The following ESRRG variants were observed in gnomAD, a reference collection of about 807,000 sequenced individuals.
ESRRG encodes the protein estrogen related receptor gamma, also known as estrogen-related receptor gamma.
In ESRRG, 13 loss-of-function variants were observed where a neutral mutation model predicts 44.0. The ratio of observed to expected loss-of-function variants is 0.30; its 90% confidence interval spans 0.19 to 0.47. ESRRG has a LOEUF of 0.47. Ranked by LOEUF, ESRRG falls within the 20% of genes least tolerant of loss-of-function variation. The pLI is 1.00. For missense variants in ESRRG, 395 were observed against 580.6 expected (o/e 0.68, Z 3.29); for synonymous variants, 215 against 214.6 (o/e 1.00, Z -0.02).
intron 1 of ESRRG, among the ~76,000 whole-genome samples, chr1:217,006,100 T>C (rs2077697771): frequency 4.6e-5 from 7 of 152,166 alleles, no homozygotes; most frequent in Admixed American, 4.6e-4. Flanking sequence ...TTTGAACTTA[T>C]AGAATGAGTC....
intron 2 of ESRRG, among the ~76,000 whole-genome samples, chr1:216,675,293 T>C (rs1248944771): frequency 6.6e-6 from 1 of 151,268 alleles, no homozygotes; most frequent in Admixed American, 6.6e-5. Context: ...CCAGGAGATG[T>C]AGGTTGCAGT....
At chr1:217,020,516 A>C (rs1176304753) in intron 1 of ESRRG, among the ~76,000 whole-genome samples, 1 of 152,212 alleles carries the variant, frequency 6.6e-6, no homozygotes, top group Non-Finnish European at 1.5e-5. Flanking sequence ...TTGTCTTGAT[A>C]ACAGCCCTAC....
At chr1:217,134,630 GT>G (rs1481395696) in intron 1 of ESRRG, among the ~76,000 whole-genome samples, 1 of 152,236 alleles carries the variant, frequency 6.6e-6, no homozygotes, top group Non-Finnish European at 1.5e-5. Context: ...CCGTGCGCGA[GT>G]TTCCAGCCAG....
chr1:216,591,975 C>T (rs11572742), intron 3 of ESRRG, among the ~76,000 whole-genome samples: 1 of 152,096 alleles, frequency 6.6e-6, no homozygotes, highest in African/African-American at 2.4e-5. Context: ...TAGATACCCC[C>T]AGTCAAGTGA....
intron 2 of ESRRG, among the ~76,000 whole-genome samples, chr1:216,746,051 A>G (rs1174127224): frequency 2.0e-5 from 3 of 152,234 alleles, no homozygotes; most frequent in African/African-American, 7.2e-5. Context: ...CTCAACCTCA[A>G]AAAAGTTCAA....
At chr1:216,726,547 C>T (rs145588855), upstream of ESRRG, among the ~76,000 whole-genome samples, 30 of 151,910 alleles carry the variant, frequency 2.0e-4, no homozygotes, top group Admixed American at 1.0e-3. Context: ...AACAAATAAA[C>T]AAACAAACAG....
chr1:217,099,826 C>T (rs2092481099), intron 1 of ESRRG, among the ~76,000 whole-genome samples: 1 of 152,244 alleles, frequency 6.6e-6, no homozygotes, highest in South Asian at 2.1e-4. Flanking sequence ...GTGCTGTGAG[C>T]AATTCAAACA....
chr1:217,105,539 C>T (rs370489143), intron 1 of ESRRG, among the ~76,000 whole-genome samples: 1 of 152,146 alleles, frequency 6.6e-6, no homozygotes, highest in African/African-American at 2.4e-5. Flanking sequence ...TGACCCTGTG[C>T]CTGGGTCCTC....
intron 1 of ESRRG, among the ~76,000 whole-genome samples, chr1:217,133,257 C>A (rs937319826): frequency 1.3e-5 from 2 of 152,266 alleles, no homozygotes; most frequent in South Asian, 4.1e-4. Context: ...CCGTCAAAGG[C>A]GGGAAAAGCC....
intron 2 of ESRRG, among the ~76,000 whole-genome samples, chr1:216,938,592 C>G (rs1442153688): frequency 1.3e-5 from 2 of 152,178 alleles, no homozygotes; most frequent in East Asian, 3.9e-4. Flanking sequence ...GTGCCATTTT[C>G]CACACTGAAG....
chr1:216,590,207 C>T (rs1452767948), intron 3 of ESRRG, among the ~76,000 whole-genome samples: 2 of 151,692 alleles, frequency 1.3e-5, no homozygotes, highest in African/African-American at 2.4e-5. Context: ...TATAATAATG[C>T]ATCATATTAT....
chr1:217,073,572 T>C (rs560078433), intron 1 of ESRRG, among the ~76,000 whole-genome samples: 1 of 152,312 alleles, frequency 6.6e-6, no homozygotes, highest in East Asian at 1.9e-4. Flanking sequence ...TTCTGACTCC[T>C]CTTAAAGTTT....
rs948120430 is a variant in ESRRG at position 216,715,273 on chromosome 1, G to A, written c.56+7971C>T. The A allele has an allele frequency of 4.8e-5, 47 of 982,704 alleles. No homozygotes were observed. In the South Asian group the frequency reaches 9.9e-4, roughly 21 times the overall value. The allele number at this position is 982,704 out of a possible 1,614,324, so 60.9% of individuals were successfully genotyped here. On this transcript the variant is annotated intron_variant, in intron 1 of 6. Transcript: ENST00000408911. ...GTCTATGGATAAAAGGGATGTTTCC[G>A]TCATTTCATAGGACCCAGCACCAAC... is the stretch of plus-strand genomic sequence containing the variant.
intron 2 of ESRRG, among the ~76,000 whole-genome samples, chr1:216,909,757 C>G (rs551747383): frequency 3.9e-5 from 6 of 152,204 alleles, no homozygotes; most frequent in South Asian, 4.2e-4. Flanking sequence ...ATATTAGGCA[C>G]GTAGTAAATG....
chr1:216,686,903 TGTAAGTCTG>T (rs777249743), intron 1 of ESRRG, among the ~76,000 whole-genome samples: 15 of 152,304 alleles, frequency 9.8e-5, no homozygotes, highest in Admixed American at 1.3e-4. Context: ...CACACTGGCT[TGTAAGTCTG>T]GTTAGACCTT....
intron 2 of ESRRG, among the ~76,000 whole-genome samples, chr1:216,818,992 A>G (rs1475836432): frequency 6.6e-6 from 1 of 152,006 alleles, no homozygotes; most frequent in East Asian, 1.9e-4. Context: ...TATATACCAC[A>G]TTTTCTTTAT....
chr1:216,722,059 C>T (rs1343828740), intron 1 of ESRRG, among the ~76,000 whole-genome samples: 1 of 152,072 alleles, frequency 6.6e-6, no homozygotes, highest in Admixed American at 6.5e-5. Context: ...ACTGAGACTG[C>T]AAGTCACTTT....
chr1:216,947,454 T>C (rs1175157548), intron 1 of ESRRG, among the ~76,000 whole-genome samples: 1 of 152,216 alleles, frequency 6.6e-6, no homozygotes, highest in African/African-American at 2.4e-5. Context: ...AAAGTCAAAA[T>C]GCATGCTTAC....
At chr1:216,951,281 C>T (rs1381711879) in intron 1 of ESRRG, among the ~76,000 whole-genome samples, 1 of 152,142 alleles carries the variant, frequency 6.6e-6, no homozygotes, top group Non-Finnish European at 1.5e-5. Flanking sequence ...TTAATACAGA[C>T]ATATTGCTAT....
Sources: gnomAD v4.1 joint callset for allele counts (sites outside exome capture counted in the v4.1 genomes callset) on GRCh38, gnomAD v4.1.1 for gene constraint, MANE v1.5 for transcripts, NCBI Gene and HGNC (gene_info 2026-07-23, HGNC 2026-07-21) for gene names.